CCDC102B: variants seen among roughly 807,000 people sequenced by gnomAD.
CCDC102B encodes coiled-coil domain-containing protein 102B.
CCDC102B carries 75 observed loss-of-function variants against 57.4 expected under a neutral mutation model. The ratio of observed to expected loss-of-function variants is 1.31; its 90% CI spans 1.08 to 1.58. The LOEUF (loss-of-function observed/expected upper bound fraction) is 1.58. Among genes scored for constraint, CCDC102B ranks in the 40% most tolerant of loss-of-function variants. The probability of loss-of-function intolerance (pLI) is 0.00; values close to 1 mark genes in which losing one functional copy is unlikely to be tolerated. For synonymous variants in CCDC102B, 206 were observed against 201.9 expected (o/e 1.02, Z -0.17); for missense variants, 636 against 582.6 (o/e 1.09, Z -0.94).
intron 6 of CCDC102B, among the ~76,000 whole-genome samples, chr18:68,998,993 TATATATAGAGAGAGAG>T (rs1394503621): frequency 0.016 from 850 of 54,492 alleles, 3 homozygotes; most frequent in Middle Eastern, 0.033. Flanking sequence ...TATATATATA[TATATATAGAGAGAGAG>T]AGAGAGAGAG....
Position 69,042,054 on chromosome 18 carries a change from A to G in CCDC102B, c.1435-11976A>G, listed in dbSNP as rs1245172065. 3.3e-5 allele frequency among the ~76,000 whole-genome samples: 5 copies of G among 152,076 alleles called. 1 individual carries two copies. The East Asian group carries it at 9.6e-4, about 29-fold the overall frequency. ...CTTATTCATAGTTGTATTAATTACCATCAGTCATTTGGTATAGAACATTTT... is the reference window on the plus strand; with the variant it reads ...CTTATTCATAGTTGTATTAATTACCGTCAGTCATTTGGTATAGAACATTTT... On this transcript the variant is annotated intron_variant, in intron 7 of 7. Coordinates refer to ENST00000360242, the MANE Select transcript of CCDC102B (RefSeq NM_024781.3).
At chr18:68,842,993 G>A (rs771493919) in intron 3 of CCDC102B, among the ~76,000 whole-genome samples, 1 of 152,046 alleles carries the variant, frequency 6.6e-6, no homozygotes, top group Non-Finnish European at 1.5e-5. Flanking sequence ...GTCCCTGTCC[G>A]CTTCATCTGC....
intron 7 of CCDC102B, among the ~76,000 whole-genome samples, chr18:69,014,394 TAGAA>T (rs1278017649): frequency 1.3e-5 from 2 of 152,134 alleles, no homozygotes; most frequent in African/African-American, 4.8e-5. Context: ...CTAAGGAACA[TAGAA>T]ACTATAGACC....
intron 6 of CCDC102B, among the ~76,000 whole-genome samples, chr18:68,899,139 C>T (rs1389535069): frequency 6.6e-6 from 1 of 151,760 alleles, no homozygotes; most frequent in East Asian, 1.9e-4. Context: ...GATTTTTATC[C>T]TCTTCATTAC....
chr18:68,873,531 G>A (rs2039316114), intron 4 of CCDC102B, among the ~76,000 whole-genome samples: 1 of 152,010 alleles, frequency 6.6e-6, no homozygotes, highest in Admixed American at 6.6e-5. Context: ...TTATCTTTGT[G>A]AATTTAGAAA....
chr18:68,929,341 A>C (rs181762628), intron 6 of CCDC102B, among the ~76,000 whole-genome samples: 64 of 152,030 alleles, frequency 4.2e-4, no homozygotes, highest in Admixed American at 4.2e-3. Flanking sequence ...GAGAGATTTT[A>C]TAAAGTTTTC....
intron 6 of CCDC102B, among the ~76,000 whole-genome samples, chr18:68,975,741 G>A (rs976111804): frequency 3.3e-5 from 5 of 151,804 alleles, no homozygotes; most frequent in East Asian, 1.9e-4. Context: ...CCTAGAGTCA[G>A]GGGTCATTGC....
chr18:68,836,880 C>T lies in CCDC102B; in HGVS notation c.117C>T (p.Thr39=), dbSNP rs1388047858. ...CACCTGCCTCACCCCCCAGGGATAC[C>T]TGTAATACCTGCTTCCCACTTCATG... ...MVAPASPPRD[T]CNTCFPLHGL... The change falls in exon 2 of 8, where the codon ACC becomes ACT. Residue 39 remains threonine, a synonymous_variant. Coordinates refer to ENST00000360242, the MANE Select transcript of CCDC102B (RefSeq NM_024781.3). 8 of 1,614,004 alleles carry T rather than the reference C, an allele frequency of 5.0e-6. No homozygotes were observed. The Admixed American group carries it at 1.3e-4, about 27-fold the overall frequency.
At chr18:69,015,717 C>A (rs986537623) in intron 7 of CCDC102B, among the ~76,000 whole-genome samples, 4 of 152,056 alleles carry the variant, frequency 2.6e-5, no homozygotes, top group Admixed American at 6.5e-5. Context: ...CAAAGAATTT[C>A]TTTTTTGGAT....
chr18:68,737,059 T>C (rs764431002), intron 2 of CCDC102B, among the ~76,000 whole-genome samples: 1 of 151,968 alleles, frequency 6.6e-6, no homozygotes, highest in Non-Finnish European at 1.5e-5. Flanking sequence ...AATTCAGTTA[T>C]TGGCTATACT....
chr18:69,007,446 CT>C (rs1433047876), intron 6 of CCDC102B, among the ~76,000 whole-genome samples: 1 of 152,210 alleles, frequency 6.6e-6, no homozygotes, highest in Non-Finnish European at 1.5e-5. Flanking sequence ...TTATTTCCCA[CT>C]CATGGATACT....
intron 6 of CCDC102B, among the ~76,000 whole-genome samples, chr18:68,984,566 T>C (rs752202358): frequency 2.0e-4 from 30 of 152,158 alleles, no homozygotes; most frequent in Non-Finnish European, 4.3e-4. Flanking sequence ...TTGAATTCAT[T>C]ACTAGCTCTG....
chr18:68,800,953 TTTC>T (rs1384691526), intron 1 of CCDC102B, among the ~76,000 whole-genome samples: 19 of 152,246 alleles, frequency 1.2e-4, no homozygotes, highest in African/African-American at 2.4e-4. Context: ...TAACATTCAT[TTTC>T]TTCTTCTTTT....
intron 2 of CCDC102B, among the ~76,000 whole-genome samples, chr18:68,766,564 CT>C (rs1568239665): frequency 6.6e-6 from 1 of 152,138 alleles, no homozygotes; most frequent in Non-Finnish European, 1.5e-5. Context: ...TCATTTAGTC[CT>C]TAATAAGGCA....
At chr18:68,774,977 A>G (rs1666777476) in intron 2 of CCDC102B, among the ~76,000 whole-genome samples, 2 of 150,828 alleles carry the variant, frequency 1.3e-5, no homozygotes, top group African/African-American at 4.8e-5. Flanking sequence ...TATATGCTAT[A>G]TACATATTTG....
chr18:68,987,225 A>G (rs761786278), intron 6 of CCDC102B, among the ~76,000 whole-genome samples: 53 of 152,202 alleles, frequency 3.5e-4, no homozygotes, highest in African/African-American at 1.2e-3. Flanking sequence ...AAACAGACAC[A>G]TTGACCAATG....
At chr18:68,931,653 G>A (rs1300574905) in intron 6 of CCDC102B, among the ~76,000 whole-genome samples, 2 of 151,896 alleles carry the variant, frequency 1.3e-5, no homozygotes, top group Admixed American at 6.6e-5. Flanking sequence ...AGTAAGAATG[G>A]GGTCAGGGGA....
At position 68,867,180 on chromosome 18, in the gene CCDC102B, T is replaced by A. The variant is rs28442119; in HGVS notation, c.937-7489T>A. 9.3e-3 allele frequency among the ~76,000 whole-genome samples: 1,410 copies of A among 152,284 alleles called. 27 individuals carry two copies. Among genetic ancestry groups the A allele is most frequent in the African/African-American group, 0.032 (1,327 of 41,572 alleles). On this transcript the variant is annotated intron_variant, in intron 4 of 7. Transcript: ENST00000360242. ...TCCCCTGGAGCTCAGTAGCAGTAGA[T>A]CATAGTAGTGGAAAAGGGCCCAGAT... is the stretch of plus-strand genomic sequence containing the variant.
chr18:68,957,120 GT>G (rs1405340572), intron 6 of CCDC102B, among the ~76,000 whole-genome samples: 1 of 151,916 alleles, frequency 6.6e-6, no homozygotes, highest in Admixed American at 6.6e-5. Context: ...CCGTGCAGAA[GT>G]TTTTTTAACT....
Sources: gnomAD v4.1 joint callset for allele counts (sites outside exome capture counted in the v4.1 genomes callset) on GRCh38, gnomAD v4.1.1 for gene constraint, MANE v1.5 for transcripts, NCBI Gene and HGNC (gene_info 2026-07-23, HGNC 2026-07-21) for gene names.